The following LIMCH1 variants were observed in gnomAD, a reference collection of about 807,000 sequenced individuals.
LIMCH1 encodes LIM and calponin homology domains-containing protein 1.
LIMCH1 carries 113 observed loss-of-function variants against 176.5 expected under a neutral mutation model. The ratio of observed to expected loss-of-function variants is 0.64; its 90% CI spans 0.55 to 0.75. LIMCH1 has a LOEUF of 0.75. LIMCH1 is among the 30% of genes least tolerant of loss of function. The pLI is 0.00. For missense variants in LIMCH1, 1,674 were observed against 1,814.9 expected (o/e 0.92, Z 1.41); for synonymous variants, 619 against 645.9 (o/e 0.96, Z 0.63).
At chr4:41,470,615 C>G (rs1213644801) in intron 1 of LIMCH1, among the ~76,000 whole-genome samples, 7 of 152,194 alleles carry the variant, frequency 4.6e-5, no homozygotes, top group Admixed American at 4.6e-4. Flanking sequence ...TCAAGGTTAC[C>G]TGTGTCTTCT....
intron 1 of LIMCH1, among the ~76,000 whole-genome samples, chr4:41,450,305 G>T (rs1162977902): frequency 6.6e-6 from 1 of 151,854 alleles, no homozygotes; most frequent in Non-Finnish European, 1.5e-5. Context: ...GATTTATTGG[G>T]TTTGGGGCCT....
At position 41,598,987 on chromosome 4, in the gene LIMCH1, C is replaced by A; in HGVS notation, c.-173C>A. ...CTTAAAGAATCTCAACTTTTTGACC[C>A]GAGTGACCTCCAGGATACATCCAAC... On this transcript the variant is annotated 5_prime_UTR_variant, in exon 2 of 32. Coordinates refer to ENST00000503057, the MANE Select transcript of LIMCH1 (RefSeq NM_001330672.2). The A allele has an allele frequency of 6.2e-7, 1 of 1,611,802 alleles. No individual in the cohort carries two copies. Among genetic ancestry groups the A allele is most frequent in the Non-Finnish European group, 8.5e-7 (1 of 1,178,232 alleles).
At chr4:41,596,443 G>T (rs535591510) in intron 1 of LIMCH1, among the ~76,000 whole-genome samples, 2 of 152,242 alleles carry the variant, frequency 1.3e-5, no homozygotes, top group African/African-American at 4.8e-5. Context: ...ATATGTCCGT[G>T]TGATAACAAA....
chr4:41,674,298 T>C (rs1308373743), intron 22 of LIMCH1, among the ~76,000 whole-genome samples: 1 of 152,262 alleles, frequency 6.6e-6, no homozygotes, highest in Non-Finnish European at 1.5e-5. Flanking sequence ...CTTATTTTCC[T>C]ACTATTGGAG....
intron 1 of LIMCH1, among the ~76,000 whole-genome samples, chr4:41,493,101 C>T (rs1261462772): frequency 6.6e-6 from 1 of 152,060 alleles, no homozygotes; most frequent in East Asian, 1.9e-4. Context: ...TTTCTGTAGA[C>T]AGTACATAGT....
At chr4:41,495,433 A>G (rs1215732656) in intron 2 of LIMCH1, among the ~76,000 whole-genome samples, 1 of 152,150 alleles carries the variant, frequency 6.6e-6, no homozygotes, top group Non-Finnish European at 1.5e-5. Context: ...TTCTCACTCA[A>G]TCTCAAGCCC....
exon 3 of LIMCH1, chr4:41,524,432 G>A: frequency 1.9e-6 from 3 of 1,613,900 alleles, no homozygotes; most frequent in Non-Finnish European, 2.5e-6. Flanking sequence ...ATAAAGCCAG[G>A]ACTTGTTAAA....
In LIMCH1 at chr4:41,545,429, C is replaced by G. The variant is rs115109993; in HGVS notation, c.-241+7079C>G. On this transcript the variant is annotated intron_variant, in intron 1 of 31. Transcript: ENST00000503057. The stretch of plus-strand genomic sequence containing the variant: ...AGTGTTTTTTTCCTGTTCGTCAGTA[C>G]GAGGGGAGAGTTACTGTGGAAAGTG... Among the ~76,000 whole-genome samples the G allele has an allele frequency of 7.9e-5, 12 of 152,084 alleles. No individual in the cohort carries two copies. In the South Asian group the frequency reaches 1.2e-3, roughly 16 times the overall value.
chr4:41,614,359 G>A (rs2152802657), intron 5 of LIMCH1, among the ~76,000 whole-genome samples: 1 of 152,314 alleles, frequency 6.6e-6, no homozygotes, highest in Middle Eastern at 3.4e-3. Context: ...CTATTTTTCA[G>A]AAGCCATTTG....
At chr4:41,650,721 T>A in intron 18 of LIMCH1, 113 bp downstream of exon 18, 1 of 889,496 alleles carries the variant, frequency 1.1e-6, no homozygotes, top group Non-Finnish European at 1.7e-6. Flanking sequence ...GTTGGCGTAT[T>A]AGTTTGCTAG....
intron 1 of LIMCH1, among the ~76,000 whole-genome samples, chr4:41,440,908 A>T (rs1315922018): frequency 1.3e-5 from 2 of 152,186 alleles, no homozygotes; most frequent in Non-Finnish European, 2.9e-5. Flanking sequence ...TGATGTTCTC[A>T]AAAGCTTTTA....
At chr4:41,547,364 A>G (rs75393020) in intron 1 of LIMCH1, among the ~76,000 whole-genome samples, 1 of 151,780 alleles carries the variant, frequency 6.6e-6, no homozygotes, top group African/African-American at 2.4e-5. Flanking sequence ...CTCTACCTCT[A>G]TGAGTTTGGC....
chr4:41,654,860 T>G (rs1322474494), intron 18 of LIMCH1, among the ~76,000 whole-genome samples: 1 of 152,194 alleles, frequency 6.6e-6, no homozygotes, highest in African/African-American at 2.4e-5. Context: ...CAATTATCCC[T>G]GAGATATTTC....
chr4:41,627,483 A>T (rs940482982), intron 8 of LIMCH1, among the ~76,000 whole-genome samples: 1 of 152,212 alleles, frequency 6.6e-6, no homozygotes, highest in Non-Finnish European at 1.5e-5. Flanking sequence ...AAGAAAAAAA[A>T]ATGAGACTTG....
intron 1 of LIMCH1, among the ~76,000 whole-genome samples, chr4:41,462,882 A>AT (rs1007091871): frequency 1.3e-5 from 2 of 151,098 alleles, no homozygotes; most frequent in African/African-American, 2.4e-5. Flanking sequence ...TAGACCTTTT[A>AT]TTTTTTTTTA....
At chr4:41,369,959 T>TGTGTGTGTGTGTGTGTGTGTG (rs57269261) in intron 1 of LIMCH1, among the ~76,000 whole-genome samples, 12 of 144,296 alleles carry the variant, frequency 8.3e-5, no homozygotes, top group Admixed American at 1.4e-4. Context: ...TGTGTGTGTG[T>TGTGTGTGTGTGTGTGTGTGTG]TTTGTAGTGA....
At chr4:41,410,328 T>G (rs1010414465) in intron 1 of LIMCH1, among the ~76,000 whole-genome samples, 4 of 152,224 alleles carry the variant, frequency 2.6e-5, no homozygotes, top group Non-Finnish European at 5.9e-5. Flanking sequence ...TCTGCTCATT[T>G]CTGTTGGTTA....
At chr4:41,688,694 A>G (rs11933248) in intron 29 of LIMCH1, among the ~76,000 whole-genome samples, 48,199 of 152,078 alleles carry the variant, frequency 0.32, 8,159 homozygotes, top group African/African-American at 0.43. Context: ...GAGGACAGCT[A>G]TCTAGTTTCA....
At position 41,435,875 on chromosome 4, in the gene LIMCH1, A is replaced by G. The variant is rs1245842162; in HGVS notation, c.97-58661A>G. Reference sequence around the variant, plus strand: ...TCAAAAATCTTATTTCTGAAGTCCTATATTGTAGCAACTTATTGACATGAT... The same window carrying G: ...TCAAAAATCTTATTTCTGAAGTCCTGTATTGTAGCAACTTATTGACATGAT... On this transcript the variant is annotated intron_variant, in intron 1 of 26. Transcript: ENST00000313860. 4.6e-5 allele frequency among the ~76,000 whole-genome samples: 7 copies of G among 152,322 alleles called. No homozygotes were observed. In the East Asian group the frequency reaches 7.7e-4, roughly 17 times the overall value.
Sources: gnomAD v4.1 joint callset for allele counts (sites outside exome capture counted in the v4.1 genomes callset) on GRCh38, gnomAD v4.1.1 for gene constraint, MANE v1.5 for transcripts, NCBI Gene and HGNC (gene_info 2026-07-23, HGNC 2026-07-21) for gene names.